AFAP1L2: variants seen among roughly 807,000 people sequenced by gnomAD.
The protein encoded by AFAP1L2 is actin filament-associated protein 1-like 2.
In AFAP1L2, 46 loss-of-function variants were observed where a neutral mutation model predicts 99.3. The observed-to-expected ratio is 0.46, with a 90% CI of 0.37 to 0.59. The LOEUF is 0.59. AFAP1L2 is among the 20% of genes least tolerant of loss of function. AFAP1L2 has a pLI of 0.00. For synonymous variants in AFAP1L2, 397 were observed against 419.1 expected, an observed-to-expected ratio of 0.95 and a Z score of 0.64; for missense variants, 959 against 1,034.9, an observed-to-expected ratio of 0.93 and a Z score of 1.01.
In AFAP1L2 at chr10:114,295,412, G is replaced by C; in HGVS notation, c.*630C>G. 1.0e-6 allele frequency: 1 copy of C among 985,786 alleles called. No individual in the cohort carries two copies. Among genetic ancestry groups the C allele is most frequent in the Non-Finnish European group, 1.2e-6 (1 of 829,904 alleles). The allele number at this position is 985,786 out of a possible 1,614,324, so 61.1% of individuals were successfully genotyped here. ...ACTGGAAAGAAGTCTTTAACTTAGT[G>C]GGATTAGTGCTTCAGCTTGGTCCCA... On this transcript the variant is annotated 3_prime_UTR_variant, in exon 19 of 19. Coordinates refer to ENST00000304129, the MANE Select transcript of AFAP1L2 (RefSeq NM_001001936.3).
chr10:114,319,628 G>T (rs1397670844), intron 5 of AFAP1L2: 2 of 1,289,582 alleles, frequency 1.6e-6, no homozygotes, highest in Non-Finnish European at 2.0e-6. Context: ...CCAGTGGGGA[G>T]AAATCCGCCA....
chr10:114,308,408 T>G, intron 9 of AFAP1L2, 25 bp downstream of exon 9: 1 of 1,603,078 alleles, frequency 6.2e-7, no homozygotes, highest in Non-Finnish European at 8.5e-7. Flanking sequence ...GGGACACCAT[T>G]CCCCTCCCAA....
At chr10:114,310,670 C>A (rs1439221728) in intron 7 of AFAP1L2, among the ~76,000 whole-genome samples, 2 of 152,194 alleles carry the variant, frequency 1.3e-5, no homozygotes, top group Non-Finnish European at 2.9e-5. Context: ...TAGCTCCTTT[C>A]CGCAGGTCCC....
chr10:114,297,436 G>T (rs750907999), intron 16 of AFAP1L2, 23 bp from the exon 17 acceptor site: 1 of 1,607,188 alleles, frequency 6.2e-7, no homozygotes. Flanking sequence ...TTATGCAGGT[G>T]TCAGAGAACA....
intron 2 of AFAP1L2, 55 bp downstream of exon 2, chr10:114,340,548 C>T: frequency 6.4e-7 from 1 of 1,571,732 alleles, no homozygotes; most frequent in Non-Finnish European, 8.6e-7. Context: ...CGCACTGACT[C>T]ACAACCATCT....
At chr10:114,305,694 A>AG (rs2042177082) in intron 10 of AFAP1L2, among the ~76,000 whole-genome samples, 3 of 96,544 alleles carry the variant, frequency 3.1e-5, no homozygotes, top group Non-Finnish European at 4.1e-5. Context: ...GGGCTGCAGG[A>AG]GGGAGCGGGG....
chr10:114,393,266 A>G (rs551208030), intron 1 of AFAP1L2, among the ~76,000 whole-genome samples: 2 of 152,308 alleles, frequency 1.3e-5, no homozygotes, highest in South Asian at 4.1e-4. Context: ...GCTTAGCACA[A>G]GAGGCTTTCA....
In AFAP1L2 at chr10:114,307,980, A is replaced by C. The variant is rs1590015392; in HGVS notation, c.968-71T>G. On this transcript the variant is annotated intron_variant, in intron 9 of 18. Coordinates refer to ENST00000304129, the MANE Select transcript of AFAP1L2 (RefSeq NM_001001936.3). ...CCACGTGCCCATGAGAGATGGAAAA[A>C]ATAGCAAACCCATTTCCACTCCATC... The C allele has an allele frequency of 3.7e-6, 5 of 1,368,994 alleles. No individual in the cohort carries two copies. In the African/African-American group the frequency reaches 7.1e-5, roughly 20 times the overall value. The allele number at this position is 1,368,994 out of a possible 1,614,324, so 84.8% of individuals were successfully genotyped here.
At chr10:114,306,538 C>T (rs1041014836) in intron 10 of AFAP1L2, among the ~76,000 whole-genome samples, 1 of 151,998 alleles carries the variant, frequency 6.6e-6, no homozygotes, top group African/African-American at 2.4e-5. Context: ...CGTGAAAATG[C>T]ACAGCTACCT....
rs1246018567 is a variant in AFAP1L2, at chr10:114,387,550, T to C, written c.16+16890A>G. 3.3e-5 allele frequency among the ~76,000 whole-genome samples: 5 copies of C among 152,336 alleles called. No homozygotes were observed. The East Asian group carries it at 9.7e-4, about 29-fold the overall frequency. ...CTAGCACTACGGGGCTCTGACCATG[T>C]GCTGAACCTACTGCCAAGCTCTCTA... On this transcript the variant is annotated intron_variant, in intron 1 of 18. Transcript: ENST00000304129.
In AFAP1L2 at chr10:114,295,968, G is replaced by A. The variant is rs528047160; in HGVS notation, c.*74C>T. Reference sequence around the variant, plus strand: ...CTAAACAGACTCACCCTTTCGCATAGTTTTTGCTTTAACAAAGCAGGATTG... The same window carrying A: ...CTAAACAGACTCACCCTTTCGCATAATTTTTGCTTTAACAAAGCAGGATTG... On this transcript the variant is annotated 3_prime_UTR_variant, in exon 19 of 19. Coordinates refer to ENST00000304129, the MANE Select transcript of AFAP1L2 (RefSeq NM_001001936.3). 5 of 1,613,036 alleles carry A rather than the reference G, an allele frequency of 3.1e-6. No homozygotes were observed. The African/African-American group carries it at 6.7e-5, about 22-fold the overall frequency.
chr10:114,324,699 A>G (rs1026057534), intron 4 of AFAP1L2, among the ~76,000 whole-genome samples: 2 of 152,242 alleles, frequency 1.3e-5, no homozygotes, highest in Non-Finnish European at 2.9e-5. Flanking sequence ...CTGGGCCTTC[A>G]AGGAGGCTCC....
At chr10:114,292,445 C>T (rs1469823456), downstream of AFAP1L2, among the ~76,000 whole-genome samples, 1 of 151,678 alleles carries the variant, frequency 6.6e-6, no homozygotes, top group Non-Finnish European at 1.5e-5. Context: ...CTTACGCTGT[C>T]TAGGTTTTAA....
downstream of AFAP1L2, chr10:114,290,199 A>G (rs1163178407): frequency 1.9e-6 from 3 of 1,548,086 alleles, no homozygotes; most frequent in African/African-American, 2.7e-5. Flanking sequence ...GGTCTAACCC[A>G]TGCCTGGCCG....
intron 4 of AFAP1L2, chr10:114,326,089 C>A: frequency 7.9e-7 from 1 of 1,259,974 alleles, no homozygotes; most frequent in Non-Finnish European, 1.0e-6. Flanking sequence ...TGCAGGAGCT[C>A]CCCATGGGTC....
At chr10:114,282,015 A>G in the AFAP1L2 span, among the ~76,000 whole-genome samples, 2 of 52,648 alleles carry the variant, frequency 3.8e-5, no homozygotes, top group Admixed American at 1.9e-4. Context: ...AGCTTATGTT[A>G]CCTTTTTTTT....
intron 4 of AFAP1L2, among the ~76,000 whole-genome samples, chr10:114,323,671 G>A (rs997341196): frequency 1.3e-5 from 2 of 152,188 alleles, no homozygotes; most frequent in African/African-American, 4.8e-5. Context: ...CAATAGCACA[G>A]GGAGAAAGAG....
chr10:114,389,578 C>A (rs1201471761), intron 1 of AFAP1L2, among the ~76,000 whole-genome samples: 1 of 152,164 alleles, frequency 6.6e-6, no homozygotes, highest in African/African-American at 2.4e-5. Context: ...TGATGTGAAC[C>A]CAAGGATGAC....
At position 114,304,838 on chromosome 10, in the gene AFAP1L2, T is replaced by A; in HGVS notation, c.1165A>T (p.Ser389Cys). Residue 389 changes from serine (S) to cysteine (C), a missense_variant, in exon 11 of 19, where the codon AGC (serine) becomes TGC (cysteine). Coordinates refer to ENST00000304129, the MANE Select transcript of AFAP1L2 (RefSeq NM_001001936.3). ...CTGAGGGGTTGCTGGGCCACCTTGC[T>A]CCGGTTCCGGTCCTGGTAGAAGTGC... ...HLHFYQDRNR[S>C]KVAQQPLSLV... The A allele has an allele frequency of 6.2e-7, 1 of 1,613,442 alleles. No homozygotes were observed.
Sources: allele counts gnomAD v4.1 joint callset (sites outside exome capture counted in the v4.1 genomes callset), GRCh38; gene constraint gnomAD v4.1.1; transcripts MANE v1.5; gene names NCBI Gene and HGNC (gene_info 2026-07-23, HGNC 2026-07-21).